Variants in TSPOAP1 observed in about 807,000 individuals in gnomAD.
TSPOAP1 encodes the protein TSPO associated protein 1, also known as peripheral-type benzodiazepine receptor-associated protein 1.
Under a neutral mutation model 197.0 loss-of-function variants are expected in TSPOAP1, and 87 were observed. The observed-to-expected ratio is 0.44, with a 90% CI of 0.37 to 0.53. The LOEUF (loss-of-function observed/expected upper bound fraction) is 0.53. Among genes scored for constraint, TSPOAP1 ranks in the 20% least tolerant of loss-of-function variants. The pLI is 0.00. For missense variants in TSPOAP1, 2,174 were observed against 2,411.3 expected (o/e 0.90, Z 2.06); for synonymous variants, 913 against 998.9 (o/e 0.91, Z 1.62).
At chr17:58,320,229 T>C (rs1971364950) in intron 11 of TSPOAP1, 100 bp from the exon 12 acceptor site, 1 of 1,389,056 alleles carries the variant, frequency 7.2e-7, no homozygotes, top group African/African-American at 1.4e-5. Context: ...GTGGATATCA[T>C]CCAGTCAGCT....
chr17:58,306,692 C>T, intron 25 of TSPOAP1, 108 bp downstream of exon 25: 1 of 1,369,938 alleles, frequency 7.3e-7, no homozygotes, highest in East Asian at 2.4e-5. Context: ...CAAGGCTCTG[C>T]TAGAGTCTGG....
In TSPOAP1 at chr17:58,304,555, T is replaced by C; in HGVS notation, c.5545-156A>G. ...TGAGTTTTCTGGCTGGGGCTTGGCCTCTTCACCCTCTCTCCCTGCCCTCTG... is the reference window on the plus strand; with the variant it reads ...TGAGTTTTCTGGCTGGGGCTTGGCCCCTTCACCCTCTCTCCCTGCCCTCTG... On this transcript the variant is annotated intron_variant, in intron 30 of 31. Coordinates refer to ENST00000343736, the MANE Select transcript of TSPOAP1 (RefSeq NM_004758.4). This position sits in a 1 kb window ranked among gnomAD's most constrained non-coding sequence, Gnocchi z 4.2. 1.5e-6 allele frequency: 1 copy of C among 654,792 alleles called. No individual in the cohort carries two copies. The highest frequency in any genetic ancestry group is 2.8e-6 in the Non-Finnish European group (1 of 357,044). 40.6% of individuals were successfully genotyped at this position (654,792 alleles called of 1,614,324 possible).
At position 58,318,319 on chromosome 17, in the gene TSPOAP1, C is replaced by T; in HGVS notation, c.1833G>A (p.Glu611=). ...ATGACTTGGGGCTGTTGTGGATGGA[C>T]TCGGAGTGGGAGGAGTTGGAGAGAG... is the stretch of plus-strand genomic sequence containing the variant. ...AESLSNSSHS[E]SIHNSPKSCP... Residue 611 remains glutamate, a synonymous_variant, in exon 14 of 32, where the codon GAG becomes GAA. Transcript: ENST00000343736. 3 of 1,614,198 alleles carry T rather than the reference C, an allele frequency of 1.9e-6. No individual in the cohort carries two copies. The highest frequency in any genetic ancestry group is 1.1e-5 in the South Asian group (1 of 91,088).
chr17:58,317,864 C>A (rs768857118), intron 14 of TSPOAP1, among the ~76,000 whole-genome samples: 3 of 152,232 alleles, frequency 2.0e-5, no homozygotes, highest in Non-Finnish European at 4.4e-5. Context: ...GAAACAGAAG[C>A]CCAGAAAGGC....
rs568041767 is a variant in TSPOAP1, at chr17:58,326,869, C to G, written c.334-79G>C. The stretch of plus-strand genomic sequence containing the variant: ...AGAGCCTTCCCTGTGGAAGCATCCA[C>G]CATCCATGGTCCAAGGAGACATGGA... On this transcript the variant is annotated intron_variant, in intron 1 of 31. Coordinates refer to ENST00000343736, the MANE Select transcript of TSPOAP1 (RefSeq NM_004758.4). This position sits in a 1 kb window ranked among gnomAD's most constrained non-coding sequence, Gnocchi z 4.7. 2.3e-4 allele frequency: 272 copies of G among 1,207,374 alleles called. No homozygotes were observed. In the African/African-American group the frequency reaches 3.3e-3, roughly 15 times the overall value. 74.8% of individuals were successfully genotyped at this position (1,207,374 alleles called of 1,614,324 possible). A position where few individuals can be genotyped will look rare whatever the true frequency, so the allele number is the denominator to read the frequency against.
chr17:58,309,506 C>A lies in TSPOAP1; in HGVS notation c.3892-126G>T. ...GGTTACGGACAACCCCACAGCCCTC[C>A]CACGGCTTCCTCCGAGAGGAGAGAA... On this transcript the variant is annotated intron_variant, in intron 21 of 31. Transcript: ENST00000343736. The surrounding 1 kb of genome is among the most constrained non-coding windows in gnomAD (Gnocchi z 5.0). 1.5e-6 allele frequency: 2 copies of A among 1,293,566 alleles called. No homozygotes were observed. The highest frequency in any genetic ancestry group is 2.1e-6 in the Non-Finnish European group (2 of 969,144). The allele number at this position is 1,293,566 out of a possible 1,614,324, so 80.1% of individuals were successfully genotyped here. A position where few individuals can be genotyped will look rare whatever the true frequency, so the allele number is the denominator to read the frequency against.
At chr17:58,311,328 G>A in intron 18 of TSPOAP1, 115 bp from the exon 19 acceptor site, 2 of 1,442,558 alleles carry the variant, frequency 1.4e-6, no homozygotes, top group South Asian at 2.5e-5. Flanking sequence ...ATTACGCCAG[G>A]TACTGTGCTA....
rs1970810359 is a variant in TSPOAP1, at chr17:58,304,399, T to C, written c.5545A>G (p.Arg1849Gly). 16 of 1,613,238 alleles carry C rather than the reference T, an allele frequency of 9.9e-6. No homozygotes were observed. The highest frequency in any genetic ancestry group is 1.4e-5 in the Non-Finnish European group (16 of 1,179,176). ...EPRTPQAESQ[R>G]TRRRRVQC ...CACTGGACTCTTCTCCTCCTCGTTC[T>C]CTGAGGACAGGGAACAAAGAGAGGA... is the stretch of plus-strand genomic sequence containing the variant. The change falls in exon 31 of 32, where the codon AGA (arginine) becomes GGA (glycine). Residue 1849 changes from arginine to glycine, a missense_variant and splice_region_variant. Around this residue, in one of 5 missense-constraint regions of TSPOAP1, gnomAD observed 60 missense variants for 56.2 expected, o/e 1.07. Transcript: ENST00000343736. The surrounding 1 kb of genome is among the most constrained non-coding windows in gnomAD (Gnocchi z 4.2).
Position 58,318,968 on chromosome 17 carries a change from C to T in TSPOAP1, c.1699+122G>A, listed in dbSNP as rs569344803. The stretch of plus-strand genomic sequence containing the variant: ...AACAGAACGTGGTTCTAGCCAGGCA[C>T]AGCTCTAACCTGCTGTGTGACTTTG... On this transcript the variant is annotated intron_variant, in intron 13 of 31. Coordinates refer to ENST00000343736, the MANE Select transcript of TSPOAP1 (RefSeq NM_004758.4). 9 of 1,148,160 alleles carry T rather than the reference C, an allele frequency of 7.8e-6. No homozygotes were observed. In the African/African-American group the frequency reaches 1.2e-4, roughly 16 times the overall value. The allele number at this position is 1,148,160 out of a possible 1,614,324, so 71.1% of individuals were successfully genotyped here.
chr17:58,313,128 T>C (rs1971121231), intron 16 of TSPOAP1, among the ~76,000 whole-genome samples: 1 of 152,188 alleles, frequency 6.6e-6, no homozygotes, highest in African/African-American at 2.4e-5. Flanking sequence ...AGGTAAAATA[T>C]CATAATGCTT....
In TSPOAP1 at chr17:58,322,091, A is replaced by T; in HGVS notation, c.1422+217T>A. ...CTCACCCCATCCCAGTCACTTTGTC[A>T]CATCACCCTGTTCTTCTCCACCACT... is the stretch of plus-strand genomic sequence containing the variant. On this transcript the variant is annotated intron_variant, in intron 10 of 31. Coordinates refer to ENST00000343736, the MANE Select transcript of TSPOAP1 (RefSeq NM_004758.4). This position sits in a 1 kb window ranked among gnomAD's most constrained non-coding sequence, Gnocchi z 5.0. The T allele has an allele frequency of 1.8e-6, 1 of 550,320 alleles. No individual in the cohort carries two copies. The highest frequency in any genetic ancestry group is 3.0e-5 in the East Asian group (1 of 32,992). The allele number at this position is 550,320 out of a possible 1,614,324, so 34.1% of individuals were successfully genotyped here. A position where few individuals can be genotyped will look rare whatever the true frequency, so the allele number is the denominator to read the frequency against.
At chr17:58,308,055 A>T (rs1430938750) in intron 22 of TSPOAP1, 114 bp from the exon 23 acceptor site, 2 of 1,094,418 alleles carry the variant, frequency 1.8e-6, no homozygotes, top group African/African-American at 1.6e-5. Context: ...GGAGCACAGC[A>T]TTCCTCTCCC....
rs1971323478 is a variant in TSPOAP1, at chr17:58,319,095, G to A, written c.1694C>T (p.Pro565Leu). Residue 565 changes from proline to leucine, a missense_variant, in exon 13 of 32, where the codon CCC becomes CTC. Around this residue, in one of 5 missense-constraint regions of TSPOAP1, gnomAD observed 1,933 missense variants for 2,139.0 expected, o/e 0.90. Transcript: ENST00000343736. ...GCCACTGGGGTCCACCTTACCTTTG[G>A]GGCCAGACCCCCGGCAAGGCTGGGG... is the stretch of plus-strand genomic sequence containing the variant. ...SIPQPCRGSG[P>L]KDLDLPPGSP... The A allele has an allele frequency of 6.5e-7, 1 of 1,530,152 alleles. No homozygotes were observed. Among genetic ancestry groups the A allele is most frequent in the African/African-American group, 1.4e-5 (1 of 72,522 alleles). 94.8% of individuals were successfully genotyped at this position (1,530,152 alleles called of 1,614,324 possible). A position where few individuals can be genotyped will look rare whatever the true frequency, so the allele number is the denominator to read the frequency against.
At position 58,301,401 on chromosome 17, in the gene TSPOAP1, TGGATC is replaced by T. The variant is rs1272063708; in HGVS notation, c.*1074_*1078del. 1 of 151,464 alleles carries T rather than the reference TGGATC, an allele frequency of 6.6e-6. No homozygotes were observed. Among genetic ancestry groups the T allele is most frequent in the Non-Finnish European group, 1.5e-5 (1 of 67,740 alleles). The allele number at this position is 151,464 out of a possible 1,614,324, so 9.4% of individuals were successfully genotyped here. A position where few individuals can be genotyped will look rare whatever the true frequency, so the allele number is the denominator to read the frequency against. On this transcript the variant is annotated 3_prime_UTR_variant, in exon 32 of 32. Transcript: ENST00000343736. The stretch of plus-strand genomic sequence containing the variant: ...ACCCCTCAGAGGGTGGGGGATGGAG[TGGATC>T]GGGTAACGGCGGAGAACCCCTACCC...
rs372635665 is a variant in TSPOAP1, at chr17:58,319,264, G to A, written c.1525C>T (p.Arg509Cys). 1.7e-5 allele frequency: 27 copies of A among 1,595,458 alleles called. No individual in the cohort carries two copies. Among genetic ancestry groups the A allele is most frequent in the Non-Finnish European group, 2.0e-5 (23 of 1,171,232 alleles). The change falls in exon 13 of 32, where the codon CGC (arginine) becomes TGC (cysteine). Residue 509 changes from arginine (R) to cysteine (C), a missense_variant. This residue lies in a region of TSPOAP1 where 1,933 missense variants were observed against 2,139.0 expected (regional missense o/e 0.90). Transcript: ENST00000343736. ...ARVRELEEQC[R>C]SQTEQFSLLA... ...AGGCTGAACTGCTCGGTTTGGCTGC[G>A]GCACTGTTCTTCGAGCTCTCGAACC...
Position 58,322,939 on chromosome 17 carries a change from G to A in TSPOAP1, c.1194+11C>T, listed in dbSNP as rs374583506. On this transcript the variant is annotated intron_variant, in intron 8 of 31. Coordinates refer to ENST00000343736, the MANE Select transcript of TSPOAP1 (RefSeq NM_004758.4). This position sits in a 1 kb window ranked among gnomAD's most constrained non-coding sequence, Gnocchi z 5.0. ...GCACAGGTCTCCACAGCACCTGGGC[G>A]GAAGTGGTACCTGCTCCTTCTCTGT... 39 of 1,607,828 alleles carry A rather than the reference G, an allele frequency of 2.4e-5. No individual in the cohort carries two copies. The highest frequency in any genetic ancestry group is 8.0e-5 in the African/African-American group (6 of 74,814).
chr17:58,320,256 A>T (rs377601792), intron 11 of TSPOAP1, 127 bp from the exon 12 acceptor site: 3 of 1,192,272 alleles, frequency 2.5e-6, no homozygotes, highest in Non-Finnish European at 3.7e-6. Flanking sequence ...ACTGACTAGC[A>T]GTTCCTAAAT....
Position 58,311,039 on chromosome 17 carries a change from G to T in TSPOAP1, c.3256C>A (p.Arg1086=). 6.3e-7 allele frequency: 1 copy of T among 1,586,390 alleles called. No individual in the cohort carries two copies. The highest frequency in any genetic ancestry group is 8.6e-7 in the Non-Finnish European group (1 of 1,166,474). The change falls in exon 19 of 32, where the codon CGA becomes AGA. Residue 1086 remains arginine, a synonymous_variant. Transcript: ENST00000343736. ...GGGTGCGGTGAGGGGCAGGAGACTC[G>T]GGCTGGCAGGCTGGCCGGAGCCAGG... is the stretch of plus-strand genomic sequence containing the variant. ...PALAPASLPA[R]VSCPSPHPSP...
Position 58,328,241 on chromosome 17 carries a change from G to T in TSPOAP1, c.-321C>A, listed in dbSNP as rs956022751. ...CACCGACAGCTGCGCCTGGGTGAGGGTGCGTGTGTGTGTCTCCAGGTCTGT... is the reference window on the plus strand; with the variant it reads ...CACCGACAGCTGCGCCTGGGTGAGGTTGCGTGTGTGTGTCTCCAGGTCTGT... On this transcript the variant is annotated 5_prime_UTR_variant, in exon 1 of 32. Coordinates refer to ENST00000343736, the MANE Select transcript of TSPOAP1 (RefSeq NM_004758.4). The surrounding 1 kb of genome is among the most constrained non-coding windows in gnomAD (Gnocchi z 4.3). The T allele has an allele frequency of 4.8e-6, 2 of 412,846 alleles. No individual in the cohort carries two copies. Among genetic ancestry groups the T allele is most frequent in the Non-Finnish European group, 9.0e-6 (2 of 221,118 alleles). The allele number at this position is 412,846 out of a possible 1,614,324, so 25.6% of individuals were successfully genotyped here.
Sources: allele counts gnomAD v4.1 joint callset (sites outside exome capture counted in the v4.1 genomes callset), GRCh38; gene constraint gnomAD v4.1.1; regional missense constraint gnomAD v4.1.1; non-coding constraint Gnocchi (gnomAD v3.1); transcripts MANE v1.5; gene names NCBI Gene and HGNC (gene_info 2026-07-23, HGNC 2026-07-21).